FHOD3: variants seen among roughly 807,000 people sequenced by gnomAD.
FHOD3 encodes formin homology 2 domain containing 3.
In FHOD3, 90 loss-of-function variants were observed where a neutral mutation model predicts 173.0. The observed-to-expected ratio is 0.52, with a 90% CI of 0.44 to 0.62. The LOEUF (loss-of-function observed/expected upper bound fraction) is 0.62, where lower values mean the gene tolerates loss of function less well. FHOD3 is among the 20% of genes least tolerant of loss of function. The pLI is 0.00. For missense variants in FHOD3, 1,945 were observed against 2,034.7 expected, an observed-to-expected ratio of 0.96 and a Z score of 0.85; for synonymous variants, 828 against 823.0, an observed-to-expected ratio of 1.01 and a Z score of -0.10.
At chr18:36,485,166 A>G (rs552979914) in intron 3 of FHOD3, among the ~76,000 whole-genome samples, 2 of 151,962 alleles carry the variant, frequency 1.3e-5, no homozygotes, top group African/African-American at 2.4e-5. Context: ...TTCCCCACCC[A>G]TATGTCCTGG....
intron 3 of FHOD3, among the ~76,000 whole-genome samples, chr18:36,444,701 T>G (rs2051364861): frequency 6.6e-6 from 1 of 152,044 alleles, no homozygotes; most frequent in Non-Finnish European, 1.5e-5. Flanking sequence ...TGCTATAGAT[T>G]TTTTTTTCAT....
intron 27 of FHOD3, among the ~76,000 whole-genome samples, chr18:36,765,194 C>T (rs1047461207): frequency 3.3e-5 from 5 of 152,154 alleles, no homozygotes; most frequent in Non-Finnish European, 5.9e-5. Context: ...GTCCTGCAGT[C>T]TTTAAACTGA....
chr18:36,677,162 ATT>A (rs111799901), intron 14 of FHOD3, among the ~76,000 whole-genome samples: 7 of 140,960 alleles, frequency 5.0e-5, no homozygotes, highest in Non-Finnish European at 6.2e-5. Context: ...GACTAGTTGT[ATT>A]TTTTTTTTTT....
chr18:36,746,025 C>T (rs2042142359), intron 23 of FHOD3, among the ~76,000 whole-genome samples: 1 of 152,062 alleles, frequency 6.6e-6, no homozygotes, highest in Non-Finnish European at 1.5e-5. Flanking sequence ...TTTCCCCATC[C>T]CTTTGTTAAA....
intron 3 of FHOD3, among the ~76,000 whole-genome samples, chr18:36,435,383 A>G (rs1333288977): frequency 1.3e-5 from 2 of 152,130 alleles, no homozygotes; most frequent in Non-Finnish European, 2.9e-5. Flanking sequence ...GAAAACAAAA[A>G]TAATTCTTTG....
chr18:36,375,884 C>T (rs762407888), intron 3 of FHOD3, among the ~76,000 whole-genome samples: 5 of 152,204 alleles, frequency 3.3e-5, no homozygotes, highest in Admixed American at 6.5e-5. Flanking sequence ...TTTCTTTGTA[C>T]ATTTTTGGTA....
intron 25 of FHOD3, among the ~76,000 whole-genome samples, chr18:36,756,790 G>T (rs1403888087): frequency 6.6e-6 from 1 of 152,158 alleles, no homozygotes; most frequent in Admixed American, 6.5e-5. Flanking sequence ...TCACTTTTGT[G>T]CAGAAGGAGC....
At chr18:36,401,926 C>G (rs1295890627) in intron 3 of FHOD3, among the ~76,000 whole-genome samples, 6 of 152,184 alleles carry the variant, frequency 3.9e-5, no homozygotes, top group African/African-American at 1.2e-4. Context: ...TGTTTTTGCT[C>G]TTTGGCTGTT....
chr18:36,707,067 A>G (rs2039922701), intron 17 of FHOD3, among the ~76,000 whole-genome samples: 1 of 152,234 alleles, frequency 6.6e-6, no homozygotes. Flanking sequence ...TGTTCACTCC[A>G]TCCCATGACC....
chr18:36,494,056 T>C (rs954765705), intron 3 of FHOD3, among the ~76,000 whole-genome samples: 14 of 152,212 alleles, frequency 9.2e-5, no homozygotes, highest in African/African-American at 3.4e-4. Context: ...CCCCTACATA[T>C]TCTTTCACTG....
chr18:36,472,646 A>G (rs1438205532), intron 3 of FHOD3, among the ~76,000 whole-genome samples: 1 of 152,172 alleles, frequency 6.6e-6, no homozygotes, highest in East Asian at 1.9e-4. Flanking sequence ...GACAATTCAT[A>G]TATACAGAAT....
chr18:36,501,676 G>A (rs1442497323), intron 3 of FHOD3, among the ~76,000 whole-genome samples: 1 of 152,170 alleles, frequency 6.6e-6, no homozygotes, highest in Non-Finnish European at 1.5e-5. Context: ...ATTTCTACCT[G>A]TTTGAGAGGG....
intron 3 of FHOD3, among the ~76,000 whole-genome samples, chr18:36,437,665 C>CTTTTTTTTTTTTTTTTTTTTTTTTTTT (rs1555704498): frequency 4.3e-5 from 3 of 69,440 alleles, no homozygotes; most frequent in African/African-American, 1.3e-4. Flanking sequence ...TTCTTTCTTT[C>CTTTTTTTTTTTTTTTTTTTTTTTTTTT]TTTTTTTTTT....
chr18:36,697,440 A>C (rs1240718027), intron 17 of FHOD3, among the ~76,000 whole-genome samples: 3 of 152,256 alleles, frequency 2.0e-5, no homozygotes, highest in African/African-American at 7.2e-5. Context: ...AAGCAAAATT[A>C]TGTCTACAGT....
intron 5 of FHOD3, among the ~76,000 whole-genome samples, chr18:36,550,231 C>A: frequency 1.7e-5 from 2 of 116,714 alleles, no homozygotes; most frequent in Admixed American, 1.7e-4. Context: ...TATATATAGG[C>A]CAGTGGTAGA....
chr18:36,493,211 TTC>T (rs1218671081), intron 3 of FHOD3, among the ~76,000 whole-genome samples: 1 of 111,688 alleles, frequency 9.0e-6, no homozygotes, highest in South Asian at 3.3e-4. Context: ...TCTTTTCTTT[TTC>T]TTTTTTTTTT....
chr18:36,430,603 TA>T (rs1438952519), intron 3 of FHOD3, among the ~76,000 whole-genome samples: 2 of 152,170 alleles, frequency 1.3e-5, no homozygotes, highest in Admixed American at 1.3e-4. Flanking sequence ...TATTACATGG[TA>T]GATAATAAGT....
intron 14 of FHOD3, among the ~76,000 whole-genome samples, chr18:36,671,339 C>T (rs2037522243): frequency 6.6e-6 from 1 of 152,262 alleles, no homozygotes; most frequent in South Asian, 2.1e-4. Flanking sequence ...TCATGAGGAA[C>T]ACCTCCTTTG....
intron 3 of FHOD3, among the ~76,000 whole-genome samples, chr18:36,396,689 G>T (rs1338524731): frequency 6.6e-6 from 1 of 152,094 alleles, no homozygotes; most frequent in Admixed American, 6.6e-5. Flanking sequence ...TACAATTTAG[G>T]TGTGATTTTA....
Sources: gnomAD v4.1 joint callset for allele counts (sites outside exome capture counted in the v4.1 genomes callset) on GRCh38, gnomAD v4.1.1 for gene constraint, MANE v1.5 for transcripts, NCBI Gene and HGNC (gene_info 2026-07-23, HGNC 2026-07-21) for gene names.